Variants in CACNA1E observed in about 807,000 individuals in gnomAD.
CACNA1E encodes the protein voltage-dependent R-type calcium channel subunit alpha-1E.
A neutral mutation model predicts 259.2 loss-of-function variants in CACNA1E; 40 were observed. That is an observed-to-expected ratio of 0.15 (90% CI 0.12 to 0.20). The LOEUF is 0.20. Ranked by LOEUF, CACNA1E falls within the 10% of genes least tolerant of loss-of-function variation. CACNA1E has a pLI of 1.00. For missense variants in CACNA1E, 1,874 were observed against 3,040.1 expected (o/e 0.62, Z 9.02); for synonymous variants, 1,104 against 1,138.5 (o/e 0.97, Z 0.61).
At chr1:181,748,250 TAG>T (rs751205518) in intron 25 of CACNA1E, among the ~76,000 whole-genome samples, 15 of 152,278 alleles carry the variant, frequency 9.9e-5, no homozygotes, top group Admixed American at 3.9e-4. Context: ...CTGTTAAGAT[TAG>T]AGTGTACCAT....
intron 37 of CACNA1E, among the ~76,000 whole-genome samples, chr1:181,775,087 C>T (rs989006052): frequency 3.9e-5 from 6 of 152,174 alleles, no homozygotes; most frequent in African/African-American, 1.4e-4. Flanking sequence ...AGTGGCAGCT[C>T]TAGACCGCAC....
intron 1 of CACNA1E, among the ~76,000 whole-genome samples, chr1:181,377,286 G>A (rs1655169941): frequency 6.6e-6 from 1 of 152,190 alleles, no homozygotes; most frequent in Admixed American, 6.5e-5. Flanking sequence ...GGTAGAGTTG[G>A]GTGGAAGGGG....
rs1572910323 is a variant in CACNA1E, at chr1:181,793,853, G to C, written c.6027+60G>C. The C allele has an allele frequency of 5.2e-6, 8 of 1,546,628 alleles. No homozygotes were observed. The East Asian group carries it at 1.8e-4, about 35-fold the overall frequency. ...TCCGGGCTGTATTAGCTGGGTTATGGAATAATATCTGATATTTGCAGGTGA... is the reference window on the plus strand; with the variant it reads ...TCCGGGCTGTATTAGCTGGGTTATGCAATAATATCTGATATTTGCAGGTGA... On this transcript the variant is annotated intron_variant, in intron 45 of 47. Coordinates refer to ENST00000367573, the MANE Select transcript of CACNA1E (RefSeq NM_001205293.3).
chr1:181,644,849 T>G (rs1572473936), intron 6 of CACNA1E, among the ~76,000 whole-genome samples: 1 of 152,198 alleles, frequency 6.6e-6, no homozygotes, highest in East Asian at 1.9e-4. Flanking sequence ...GGGCCATTGA[T>G]AACTCCTACA....
intron 6 of CACNA1E, among the ~76,000 whole-genome samples, chr1:181,615,747 A>ATC (rs1307338743): frequency 1.3e-5 from 2 of 151,556 alleles, no homozygotes; most frequent in Admixed American, 6.6e-5. Flanking sequence ...TATTTCTCTT[A>ATC]TTATACTGGC....
At chr1:181,641,308 A>G (rs1657725057) in intron 6 of CACNA1E, among the ~76,000 whole-genome samples, 1 of 152,230 alleles carries the variant, frequency 6.6e-6, no homozygotes, top group Non-Finnish European at 1.5e-5. Context: ...GGGAGAAGAA[A>G]GAAGGAAGAG....
chr1:181,626,353 T>C (rs775104672), intron 6 of CACNA1E, among the ~76,000 whole-genome samples: 1 of 152,144 alleles, frequency 6.6e-6, no homozygotes, highest in African/African-American at 2.4e-5. Flanking sequence ...TAAAATGAGG[T>C]ATGCCTGTAG....
chr1:181,693,585 A>G (rs752809053), intron 7 of CACNA1E, among the ~76,000 whole-genome samples: 2 of 152,202 alleles, frequency 1.3e-5, no homozygotes, highest in Non-Finnish European at 2.9e-5. Context: ...GTTCTCACTT[A>G]TAAGTGGGAG....
chr1:181,504,981 C>A (rs891967780), intron 1 of CACNA1E, among the ~76,000 whole-genome samples: 1 of 152,052 alleles, frequency 6.6e-6, no homozygotes, highest in African/African-American at 2.4e-5. Flanking sequence ...AATGAGGCCT[C>A]TAGTGAGCAG....
intron 6 of CACNA1E, among the ~76,000 whole-genome samples, chr1:181,581,190 T>C (rs1391278334): frequency 6.6e-6 from 1 of 151,792 alleles, no homozygotes; most frequent in Non-Finnish European, 1.5e-5. Context: ...GAGAATTTAC[T>C]AAAAAAGAAC....
intron 1 of CACNA1E, among the ~76,000 whole-genome samples, chr1:181,401,284 G>C (rs1366168875): frequency 6.6e-6 from 1 of 152,112 alleles, no homozygotes; most frequent in Non-Finnish European, 1.5e-5. Context: ...TGCTGACCCT[G>C]ACATGATGCA....
At chr1:181,781,251 ATTTTG>A (rs1194818856) in intron 38 of CACNA1E, among the ~76,000 whole-genome samples, 171 bp from the exon 39 acceptor site, 7 of 151,732 alleles carry the variant, frequency 4.6e-5, no homozygotes, top group Non-Finnish European at 8.8e-5. Context: ...CCGTTTGTCC[ATTTTG>A]TTTTGTTTTT....
chr1:181,755,136 T>A (rs1036673646), intron 27 of CACNA1E, 101 bp from the exon 28 acceptor site: 20 of 859,458 alleles, frequency 2.3e-5, no homozygotes, highest in Non-Finnish European at 3.3e-5. Flanking sequence ...GGACAACTTC[T>A]TGGTGGGGCT....
At chr1:181,531,884 G>A (rs372419248) in intron 3 of CACNA1E, among the ~76,000 whole-genome samples, 5 of 152,082 alleles carry the variant, frequency 3.3e-5, no homozygotes, top group Non-Finnish European at 4.4e-5. Flanking sequence ...GTGAAACCCC[G>A]TCTCTACCAA....
At chr1:181,746,138 G>A (rs574719237) in intron 25 of CACNA1E, among the ~76,000 whole-genome samples, 17 of 152,312 alleles carry the variant, frequency 1.1e-4, no homozygotes, top group African/African-American at 4.1e-4. Context: ...TGGACCACGA[G>A]GAAAAATAAA....
At chr1:181,654,497 T>C (rs1659027187) in intron 7 of CACNA1E, among the ~76,000 whole-genome samples, 1 of 152,094 alleles carries the variant, frequency 6.6e-6, no homozygotes, top group Non-Finnish European at 1.5e-5. Flanking sequence ...TTAAAAGATG[T>C]GTTGAGGCAG....
intron 6 of CACNA1E, among the ~76,000 whole-genome samples, chr1:181,635,130 C>T (rs2101966032): frequency 6.6e-6 from 1 of 152,320 alleles, no homozygotes; most frequent in Non-Finnish European, 1.5e-5. Context: ...GCAGCCTTTC[C>T]AGGAGCCCTA....
intron 38 of CACNA1E, among the ~76,000 whole-genome samples, chr1:181,777,995 C>T (rs1660111432): frequency 6.6e-6 from 1 of 152,234 alleles, no homozygotes; most frequent in African/African-American, 2.4e-5. Context: ...GTGTATAAAA[C>T]ATGCTCCTCC....
At chr1:181,395,591 C>T (rs1656612985) in intron 1 of CACNA1E, among the ~76,000 whole-genome samples, 1 of 152,140 alleles carries the variant, frequency 6.6e-6, no homozygotes, top group African/African-American at 2.4e-5. Flanking sequence ...CATTACATTT[C>T]AAGTATTTGG....
Sources: gnomAD v4.1 joint callset for allele counts (sites outside exome capture counted in the v4.1 genomes callset) on GRCh38, gnomAD v4.1.1 for gene constraint, MANE v1.5 for transcripts, NCBI Gene and HGNC (gene_info 2026-07-23, HGNC 2026-07-21) for gene names.